NRXN3: variants seen among roughly 807,000 people sequenced by gnomAD.
NRXN3 encodes neurexin III.
A neutral mutation model predicts 137.6 loss-of-function variants in NRXN3; 32 were observed. The ratio of observed to expected loss-of-function variants is 0.23; its 90% CI spans 0.18 to 0.31. NRXN3 has a LOEUF of 0.31. NRXN3 is among the 10% of genes least tolerant of loss of function. The pLI is 1.00. For missense variants in NRXN3, 1,574 were observed against 2,062.5 expected (o/e 0.76, Z 4.59); for synonymous variants, 798 against 784.5 (o/e 1.02, Z -0.29).
intron 6 of NRXN3, among the ~76,000 whole-genome samples, chr14:78,694,503 G>A (rs1285877378): frequency 1.3e-5 from 2 of 151,866 alleles, no homozygotes; most frequent in East Asian, 3.9e-4. Context: ...AAAAGATTGT[G>A]TCATAAGAAT....
At chr14:79,358,631 A>AAGAAAGAG (rs1403206153) in intron 15 of NRXN3, among the ~76,000 whole-genome samples, 9 of 149,560 alleles carry the variant, frequency 6.0e-5, no homozygotes, top group Non-Finnish European at 3.0e-5. Context: ...GAAAGAAAGA[A>AAGAAAGAG]AGAAAGAAAG....
chr14:79,780,181 T>C (rs1273457631), intron 19 of NRXN3, among the ~76,000 whole-genome samples: 1 of 152,090 alleles, frequency 6.6e-6, no homozygotes, highest in African/African-American at 2.4e-5. Context: ...AATTCACAGA[T>C]GCTTTTTTGA....
At chr14:79,197,305 A>G (rs1295574677) in intron 15 of NRXN3, among the ~76,000 whole-genome samples, 1 of 152,190 alleles carries the variant, frequency 6.6e-6, no homozygotes, top group Non-Finnish European at 1.5e-5. Context: ...AACCAGCTGG[A>G]AAATAAGAGA....
At chr14:78,816,678 A>G (rs553650048) in intron 10 of NRXN3, among the ~76,000 whole-genome samples, 1 of 152,316 alleles carries the variant, frequency 6.6e-6, no homozygotes, top group East Asian at 1.9e-4. Context: ...TCCTAAAAGT[A>G]GAACTGCTGA....
At chr14:79,810,176 G>T (rs1190722309) in intron 20 of NRXN3, among the ~76,000 whole-genome samples, 1 of 151,974 alleles carries the variant, frequency 6.6e-6, no homozygotes, top group African/African-American at 2.4e-5. Flanking sequence ...AGTCTTGGGG[G>T]CAGGAGGCCA....
chr14:79,511,521 T>C (rs2153690332), intron 16 of NRXN3, among the ~76,000 whole-genome samples: 1 of 152,352 alleles, frequency 6.6e-6, no homozygotes, highest in African/African-American at 2.4e-5. Context: ...TTAACAGTAA[T>C]GCTCATTTGA....
chr14:78,268,290 G>GT lies in NRXN3; in HGVS notation c.710-10351dup, dbSNP rs58273807. On this transcript the variant is annotated intron_variant, in intron 2 of 20. Transcript: ENST00000335750. ...GTTTTGTTTTGTTTTGTTTTGTTTT[G>GT]TTTTCAAAGAACAACTGTTCACATC... Among the ~76,000 whole-genome samples the GT allele has an allele frequency of 9.6e-3, 1,452 of 152,024 alleles. 8 individuals are homozygous for GT. Among genetic ancestry groups the GT allele is most frequent in the Middle Eastern group, 0.024 (7 of 292 alleles).
chr14:78,288,803 T>C (rs781622231), intron 3 of NRXN3, among the ~76,000 whole-genome samples: 9 of 152,162 alleles, frequency 5.9e-5, no homozygotes, highest in Non-Finnish European at 1.0e-4. Context: ...CACTAAGAGA[T>C]GGAATAGCTT....
chr14:78,502,807 G>A (rs2095905067), intron 4 of NRXN3, among the ~76,000 whole-genome samples: 1 of 152,184 alleles, frequency 6.6e-6, no homozygotes, highest in African/African-American at 2.4e-5. Flanking sequence ...CAAACACGGA[G>A]ATGAGGAGGC....
At chr14:79,595,621 C>T (rs1035476608) in intron 16 of NRXN3, among the ~76,000 whole-genome samples, 3 of 151,956 alleles carry the variant, frequency 2.0e-5, no homozygotes, top group African/African-American at 4.8e-5. Context: ...GAAAATTTAG[C>T]ATTGAGTTTC....
intron 19 of NRXN3, among the ~76,000 whole-genome samples, chr14:79,734,688 T>A (rs978802001): frequency 2.0e-5 from 3 of 152,266 alleles, no homozygotes; most frequent in African/African-American, 7.2e-5. Context: ...TTTTGAAAAT[T>A]TAGATTCTCA....
intron 15 of NRXN3, among the ~76,000 whole-genome samples, chr14:79,364,244 G>T (rs1266281593): frequency 7.9e-5 from 12 of 151,808 alleles, no homozygotes; most frequent in African/African-American, 2.9e-4. Context: ...TTTTTTGTCC[G>T]TGATTGCTTT....
At chr14:79,651,140 T>C (rs183263873) in intron 16 of NRXN3, among the ~76,000 whole-genome samples, 1 of 152,178 alleles carries the variant, frequency 6.6e-6, no homozygotes, top group Non-Finnish European at 1.5e-5. Flanking sequence ...AGAAGCAGAG[T>C]AGGTTGAAGC....
chr14:78,840,475 G>C (rs2099009257), intron 10 of NRXN3, among the ~76,000 whole-genome samples: 1 of 152,194 alleles, frequency 6.6e-6, no homozygotes, highest in Admixed American at 6.5e-5. Context: ...GGGATAGTCA[G>C]AATAGGTTAG....
intron 15 of NRXN3, among the ~76,000 whole-genome samples, chr14:79,073,277 T>G (rs2088967): frequency 0.37 from 56,639 of 152,024 alleles, 11,051 homozygotes; most frequent in Admixed American, 0.48. Flanking sequence ...ATGTAGAAAC[T>G]ATTTCAGAGA....
intron 15 of NRXN3, among the ~76,000 whole-genome samples, chr14:79,390,583 C>T (rs1169909638): frequency 6.6e-6 from 1 of 152,158 alleles, no homozygotes; most frequent in African/African-American, 2.4e-5. Context: ...GTGCCTCTTT[C>T]CCAGCCTTAT....
intron 16 of NRXN3, among the ~76,000 whole-genome samples, chr14:79,577,311 A>G (rs1270462162): frequency 6.6e-6 from 1 of 152,218 alleles, no homozygotes; most frequent in African/African-American, 2.4e-5. Flanking sequence ...GCAATAAAAC[A>G]ATTGCTTACT....
intron 4 of NRXN3, among the ~76,000 whole-genome samples, chr14:78,624,830 T>TTTGTTG (rs1318401002): frequency 1.0e-4 from 11 of 105,824 alleles, no homozygotes; most frequent in Non-Finnish European, 1.8e-4. Context: ...TGTGTGTGTG[T>TTTGTTG]GTTTGTTTGT....
chr14:79,481,614 T>A (rs1407729574), intron 16 of NRXN3, among the ~76,000 whole-genome samples: 1 of 152,244 alleles, frequency 6.6e-6, no homozygotes, highest in Admixed American at 6.5e-5. Context: ...TTTATGGGAA[T>A]GTAACAACCC....
Sources: allele counts gnomAD v4.1 joint callset (sites outside exome capture counted in the v4.1 genomes callset), GRCh38; gene constraint gnomAD v4.1.1; transcripts MANE v1.5; gene names NCBI Gene and HGNC (gene_info 2026-07-23, HGNC 2026-07-21).